STAC: variants seen among roughly 807,000 people sequenced by gnomAD.
STAC encodes the protein SH3 and cysteine rich domain.
Under a neutral mutation model 48.8 loss-of-function variants are expected in STAC, and 43 were observed. That is an observed-to-expected ratio of 0.88 (90% confidence interval 0.69 to 1.14). The LOEUF is 1.14. STAC is among the 50% of genes most tolerant of loss of function. The pLI is 0.00. For missense variants in STAC, 497 were observed against 504.0 expected, an observed-to-expected ratio of 0.99 and a Z score of 0.13; for synonymous variants, 193 against 179.5, an observed-to-expected ratio of 1.07 and a Z score of -0.60.
intron 1 of STAC, among the ~76,000 whole-genome samples, chr3:36,438,842 C>T (rs1238676692): frequency 6.6e-6 from 1 of 152,184 alleles, no homozygotes; most frequent in Non-Finnish European, 1.5e-5. Flanking sequence ...GTGTAAGCAT[C>T]CTCCCCGTCA....
intron 1 of STAC, among the ~76,000 whole-genome samples, chr3:36,387,123 T>A (rs1699634288): frequency 1.3e-5 from 2 of 152,112 alleles, no homozygotes; most frequent in South Asian, 4.1e-4. Context: ...TGAGGGCAGA[T>A]CCATGAATAA....
At chr3:36,428,078 T>C (rs73830351) in intron 1 of STAC, among the ~76,000 whole-genome samples, 1 of 152,324 alleles carries the variant, frequency 6.6e-6, no homozygotes, top group African/African-American at 2.4e-5. Context: ...CTGAAGCAGA[T>C]TTTTTAATGC....
At chr3:36,436,356 T>G (rs1271109669) in intron 1 of STAC, among the ~76,000 whole-genome samples, 1 of 152,160 alleles carries the variant, frequency 6.6e-6, no homozygotes, top group East Asian at 1.9e-4. Flanking sequence ...TAAATAAAAG[T>G]CAGAGCCTGT....
intron 10 of STAC, among the ~76,000 whole-genome samples, chr3:36,539,869 C>T (rs951937469): frequency 1.3e-5 from 2 of 152,062 alleles, no homozygotes; most frequent in African/African-American, 4.8e-5. Flanking sequence ...GGCAGAATAA[C>T]AACTCCCCAA....
At position 36,403,068 on chromosome 3, in the gene STAC, G is replaced by A. The variant is rs538768687; in HGVS notation, c.111+22314G>A. Among the ~76,000 whole-genome samples, 324 of 152,252 alleles carry A rather than the reference G, an allele frequency of 2.1e-3. 2 individuals are homozygous for A. The highest frequency in any genetic ancestry group is 3.9e-3 in the Non-Finnish European group (266 of 68,026). On this transcript the variant is annotated intron_variant, in intron 1 of 10. Transcript: ENST00000273183. ...ACTTTCTAATTGATATCTTCAGAGA[G>A]ATTCAAGAAGTATTGTGACCATTTC... is the stretch of plus-strand genomic sequence containing the variant.
At chr3:36,488,990 T>C (rs1433116973) in intron 5 of STAC, among the ~76,000 whole-genome samples, 5 of 152,236 alleles carry the variant, frequency 3.3e-5, no homozygotes, top group African/African-American at 9.6e-5. Flanking sequence ...CTATAACATA[T>C]CCATTCCTTA....
At chr3:36,468,032 T>C (rs1697225604) in intron 2 of STAC, among the ~76,000 whole-genome samples, 1 of 152,144 alleles carries the variant, frequency 6.6e-6, no homozygotes, top group Non-Finnish European at 1.5e-5. Flanking sequence ...CCCAGAGGTT[T>C]TGATAGGTTG....
At chr3:36,500,600 A>C (rs548968038) in intron 6 of STAC, among the ~76,000 whole-genome samples, 5 of 152,316 alleles carry the variant, frequency 3.3e-5, no homozygotes, top group African/African-American at 1.2e-4. Flanking sequence ...TAAAATTAAA[A>C]TTAATTTTAA....
intron 1 of STAC, among the ~76,000 whole-genome samples, chr3:36,409,030 A>G (rs1700139625): frequency 6.6e-6 from 1 of 152,182 alleles, no homozygotes; most frequent in Non-Finnish European, 1.5e-5. Flanking sequence ...TGATGATGAT[A>G]ATGATAACAC....
chr3:36,518,308 A>G (rs1216994705), intron 8 of STAC, among the ~76,000 whole-genome samples: 1 of 152,198 alleles, frequency 6.6e-6, no homozygotes, highest in Non-Finnish European at 1.5e-5. Context: ...GCAATCATAC[A>G]ATGCCTGTTC....
At chr3:36,480,985 CCA>C (rs1340758808) in intron 2 of STAC, among the ~76,000 whole-genome samples, 1 of 152,064 alleles carries the variant, frequency 6.6e-6, no homozygotes, top group Non-Finnish European at 1.5e-5. Flanking sequence ...TGAAAGATAA[CCA>C]CAGAGTGTTG....
In STAC at chr3:36,443,687, CTGAG is replaced by C. The variant is rs2125667035; in HGVS notation, c.388+52_388+55del. ...TCCAGATCCCAGCACCCCCGGAAAG[CTGAG>C]TGAGAGTGGTGTGCCACGGGTCCAG... On this transcript the variant is annotated intron_variant, in intron 2 of 10. Transcript: ENST00000273183. The surrounding 1 kb of genome is among the most constrained non-coding windows in gnomAD (Gnocchi z 4.2). 6.3e-7 allele frequency: 1 copy of C among 1,592,918 alleles called. No individual in the cohort carries two copies. Among genetic ancestry groups the C allele is most frequent in the Non-Finnish European group, 8.5e-7 (1 of 1,174,200 alleles).
intron 2 of STAC, among the ~76,000 whole-genome samples, chr3:36,449,127 A>T (rs1319689645): frequency 6.6e-6 from 1 of 152,074 alleles, no homozygotes; most frequent in Non-Finnish European, 1.5e-5. Flanking sequence ...TCTTAAAAAA[A>T]AATTAAGAAA....
chr3:36,453,378 G>A (rs912747442), intron 2 of STAC, among the ~76,000 whole-genome samples: 1 of 152,208 alleles, frequency 6.6e-6, no homozygotes, highest in Non-Finnish European at 1.5e-5. Flanking sequence ...GGCTGCGCGC[G>A]GTGCTTGCGG....
chr3:36,505,119 A>G (rs1008822829), intron 7 of STAC, among the ~76,000 whole-genome samples: 1 of 152,170 alleles, frequency 6.6e-6, no homozygotes, highest in Non-Finnish European at 1.5e-5. Flanking sequence ...GTTAAGTTCA[A>G]GTATGCTAAT....
intron 8 of STAC, among the ~76,000 whole-genome samples, chr3:36,512,836 C>T (rs968436688): frequency 6.6e-6 from 1 of 152,094 alleles, no homozygotes; most frequent in African/African-American, 2.4e-5. Flanking sequence ...AAAAGCCAGG[C>T]ACTTGATTTA....
chr3:36,439,067 C>G (rs1438000556), intron 1 of STAC, among the ~76,000 whole-genome samples: 3 of 152,170 alleles, frequency 2.0e-5, no homozygotes, highest in African/African-American at 7.2e-5. Flanking sequence ...TGACTCTCCT[C>G]CACTCCTCCA....
At chr3:36,514,365 G>C (rs1288434491) in intron 8 of STAC, among the ~76,000 whole-genome samples, 1 of 151,460 alleles carries the variant, frequency 6.6e-6, no homozygotes, top group African/African-American at 2.4e-5. Flanking sequence ...TCTTCCAGTT[G>C]ACTCTGATTC....
At chr3:36,497,852 A>G (rs1167289844) in intron 6 of STAC, among the ~76,000 whole-genome samples, 2 of 152,188 alleles carry the variant, frequency 1.3e-5, no homozygotes, top group Non-Finnish European at 2.9e-5. Context: ...GGCAAATAAT[A>G]TAATAATATG....
Sources: allele counts gnomAD v4.1 joint callset (sites outside exome capture counted in the v4.1 genomes callset), GRCh38; gene constraint gnomAD v4.1.1; non-coding constraint Gnocchi (gnomAD v3.1); transcripts MANE v1.5; gene names NCBI Gene and HGNC (gene_info 2026-07-23, HGNC 2026-07-21).